The following METTL26 variants were observed in gnomAD, a reference collection of about 807,000 sequenced individuals.
METTL26 encodes methyltransferase-like 26.
A neutral mutation model predicts 24.7 loss-of-function variants in METTL26; 28 were observed. That is an observed-to-expected ratio of 1.13 (90% confidence interval 0.84 to 1.55). The LOEUF (loss-of-function observed/expected upper bound fraction) is 1.55, where lower values mean the gene tolerates loss of function less well. METTL26 is among the 40% of genes most tolerant of loss of function. The pLI is 0.00. For synonymous variants in METTL26, 165 were observed against 125.2 expected (o/e 1.32, Z -2.12); for missense variants, 344 against 281.2 (o/e 1.22, Z -1.60).
Position 636,225 on chromosome 16 carries a change from CAG to C in METTL26, c.64_65del (p.Leu22GlyfsTer135). ...CGCGGACGCCACGCTGGGCCGGATC[CAG>C]GTACTGCCGCAGCACGTGCAAGATG... The part of the protein sequence containing the change: ...DPILHVLRQY[L>X]DPAQRGVRVL... On this transcript the variant is annotated frameshift_variant, in exon 1 of 6. Coordinates refer to ENST00000301686, the MANE Select transcript of METTL26 (RefSeq NM_032366.5). LOFTEE classifies it high-confidence loss of function. The C allele has an allele frequency of 6.7e-7, 1 of 1,492,014 alleles. No individual in the cohort carries two copies. Among genetic ancestry groups the C allele is most frequent in the South Asian group, 1.3e-5 (1 of 78,632 alleles). The allele number at this position is 1,492,014 out of a possible 1,614,324, so 92.4% of individuals were successfully genotyped here.
In METTL26 at chr16:635,663, G is replaced by C. The variant is rs374989084; in HGVS notation, c.309C>G (p.Asp103Glu). 5 of 1,553,012 alleles carry C rather than the reference G, an allele frequency of 3.2e-6. No homozygotes were observed. Among genetic ancestry groups the C allele is most frequent in the Non-Finnish European group, 4.4e-6 (5 of 1,148,614 alleles). Reference protein sequence around the residue: ...HWGGILPQSLDLLLCINMAHV... With the variant: ...HWGGILPQSLELLLCINMAHV... ...GGGCCATGTTGATGCAGAGCAACAGGTCCAGCGACTGTGGCAGGATCCCGC... is the reference window on the plus strand; with the variant it reads ...GGGCCATGTTGATGCAGAGCAACAGCTCCAGCGACTGTGGCAGGATCCCGC... The change falls in exon 2 of 6, where the codon GAC (aspartate) becomes GAG (glutamate). Residue 103 changes from aspartate (D) to glutamate (E), a missense_variant. Transcript: ENST00000301686.
rs1462290315 is a variant in METTL26 at position 634,963 on chromosome 16, G to A, written c.421-7C>T. 14 of 1,596,774 alleles carry A rather than the reference G, an allele frequency of 8.8e-6. No homozygotes were observed. The highest frequency in any genetic ancestry group is 9.4e-6 in the Non-Finnish European group (11 of 1,172,698). ...TCCCATTGATGGCATAGGGCTGTGG[G>A]CATGGGGACACAGCCCACTGGACCA... On this transcript the variant is annotated splice_region_variant and splice_polypyrimidine_tract_variant and intron_variant, in intron 3 of 5. Transcript: ENST00000301686.
rs1174694175 is a variant in METTL26, at chr16:635,652, C to G, written c.320G>C (p.Cys107Ser). The part of the protein sequence containing the change: ...ILPQSLDLLL[C>S]INMAHVSPLR... ...GGGGCTGACATGGGCCATGTTGATGCAGAGCAACAGGTCCAGCGACTGTGG... is the reference window on the plus strand; with the variant it reads ...GGGGCTGACATGGGCCATGTTGATGGAGAGCAACAGGTCCAGCGACTGTGG... Residue 107 changes from cysteine to serine, a missense_variant, in exon 2 of 6, where the codon TGC (cysteine) becomes TCC (serine). Transcript: ENST00000301686. 6.4e-7 allele frequency: 1 copy of G among 1,551,524 alleles called. No homozygotes were observed. The highest frequency in any genetic ancestry group is 8.7e-7 in the Non-Finnish European group (1 of 1,147,796).
Position 634,897 on chromosome 16 carries a change from G to C in METTL26, c.480C>G (p.Leu160=), listed in dbSNP as rs764879367. 2 of 1,602,814 alleles carry C rather than the reference G, an allele frequency of 1.2e-6. No individual in the cohort carries two copies. Among genetic ancestry groups the C allele is most frequent in the Admixed American group, 3.4e-5 (2 of 58,392 alleles). ...CCGCCTCTAGCTCTGACCTGCATCT[G>C]AGCATCAGGTCAAAGTCCACGTTGC... ...PQSNVDFDLM[L]RCRNPEWGLR... Residue 160 remains leucine, a synonymous_variant, in exon 4 of 6, where the codon CTC becomes CTG. Transcript: ENST00000301686.
intron 1 of METTL26, 157 bp downstream of exon 1, chr16:635,937 G>T (rs1186270548): frequency 1.5e-5 from 20 of 1,334,722 alleles, no homozygotes; most frequent in Non-Finnish European, 1.8e-5. Context: ...CAGCCGCGGG[G>T]GCCGCACAGC....
chr16:635,387 A>C, intron 2 of METTL26, 47 bp from the exon 3 acceptor site: 3 of 1,491,052 alleles, frequency 2.0e-6, no homozygotes, highest in Non-Finnish European at 2.7e-6. Flanking sequence ...CCCCAACAGA[A>C]GCCAGGCCCT....
intron 3 of METTL26, 31 bp from the exon 4 acceptor site, chr16:634,987 C>A: frequency 6.4e-7 from 1 of 1,572,036 alleles, no homozygotes; most frequent in Non-Finnish European, 8.6e-7. Flanking sequence ...CCCACTGGAC[C>A]AAGGTCGGGG....
chr16:635,713 C>A lies in METTL26; in HGVS notation c.259G>T (p.Val87Leu), dbSNP rs775351111. 4 of 1,570,750 alleles carry A rather than the reference C, an allele frequency of 2.5e-6. No homozygotes were observed. The highest frequency in any genetic ancestry group is 1.2e-5 in the South Asian group (1 of 85,508). The change falls in exon 2 of 6, where the codon GTG (valine) becomes TTG (leucine). Residue 87 changes from valine to leucine, a missense_variant. Val to Leu is a conservative substitution (Grantham distance 32). Coordinates refer to ENST00000301686, the MANE Select transcript of METTL26 (RefSeq NM_032366.5). ...TNVKAPLHLD[V>L]TWGWEHWGGI... Reference sequence around the variant, plus strand: ...CCCCAGTGCTCCCAGCCCCACGTCACGTCCAGGTGTAGCGGGGCCTTCACG... The same window carrying A: ...CCCCAGTGCTCCCAGCCCCACGTCAAGTCCAGGTGTAGCGGGGCCTTCACG...
In METTL26 at chr16:634,432, G is replaced by A. The variant is rs558666116; in HGVS notation, c.*165C>T. 1.8e-5 allele frequency: 25 copies of A among 1,373,562 alleles called. No homozygotes were observed. The highest frequency in any genetic ancestry group is 3.6e-5 in the South Asian group (3 of 83,668). The allele number at this position is 1,373,562 out of a possible 1,614,324, so 85.1% of individuals were successfully genotyped here. Reference sequence around the variant, plus strand: ...GAGGTGGGGCAGACACCAGCAAGCCGGCAGCAGGACATGCTTTATTCTGAG... The same window carrying A: ...GAGGTGGGGCAGACACCAGCAAGCCAGCAGCAGGACATGCTTTATTCTGAG... On this transcript the variant is annotated 3_prime_UTR_variant, in exon 6 of 6. Transcript: ENST00000301686.
rs773828139 is a variant in METTL26 at position 635,728 on chromosome 16, GGGCCTTCACGT to G, written c.233_243del (p.Asn78ThrfsTer76). 6.3e-7 allele frequency: 1 copy of G among 1,576,172 alleles called. No homozygotes were observed. Among genetic ancestry groups the G allele is most frequent in the East Asian group, 2.3e-5 (1 of 43,286 alleles). On this transcript the variant is annotated frameshift_variant, in exon 2 of 6. Coordinates refer to ENST00000301686, the MANE Select transcript of METTL26 (RefSeq NM_032366.5). LOFTEE classifies it high-confidence loss of function. ...CCCCACGTCACGTCCAGGTGTAGCGGGGCCTTCACGTTGGTCAGGCCCTGGGCTTGCGTGGT... is the reference window on the plus strand; with the variant it reads ...CCCCACGTCACGTCCAGGTGTAGCGGTGGTCAGGCCCTGGGCTTGCGTGGT...
At chr16:635,903 G>A (rs2037144672) in intron 1 of METTL26, 129 bp from the exon 2 acceptor site, 10 of 1,363,954 alleles carry the variant, frequency 7.3e-6, no homozygotes, top group Non-Finnish European at 9.7e-6. Context: ...TGGGAAGGGG[G>A]ACCCCGAGGT....
chr16:636,151 C>G lies in METTL26; in HGVS notation c.140G>C (p.Arg47Pro). ...GSGQHAAHFA[R>P]AFPLAEWQPS... ...CTGCCACTCGGCCAGGGGGAAGGCC[C>G]GCGCGAAGTGCGCTGCGTGCTGGCC... Residue 47 changes from arginine to proline, a missense_variant, in exon 1 of 6, where the codon CGG (arginine) becomes CCG (proline). Arg to Pro is a moderately radical substitution (Grantham distance 103). Coordinates refer to ENST00000301686, the MANE Select transcript of METTL26 (RefSeq NM_032366.5). 3.4e-6 allele frequency: 5 copies of G among 1,462,392 alleles called. No individual in the cohort carries two copies. The highest frequency in any genetic ancestry group is 3.6e-6 in the Non-Finnish European group (4 of 1,113,834). 90.6% of individuals were successfully genotyped at this position (1,462,392 alleles called of 1,614,324 possible).
rs1271369346 is a variant in METTL26 at position 634,723 on chromosome 16, C to G, written c.563G>C (p.Arg188Thr). 1 of 1,612,882 alleles carries G rather than the reference C, an allele frequency of 6.2e-7. No individual in the cohort carries two copies. The highest frequency in any genetic ancestry group is 1.7e-5 in the Admixed American group (1 of 60,024). The change falls in exon 5 of 6, where the codon AGG (arginine) becomes ACG (threonine). Residue 188 changes from arginine to threonine, a missense_variant. By Grantham distance (71) the Arg-to-Thr change is moderately conservative (BLOSUM62 -1). Transcript: ENST00000301686. ...GGCCCCCGCTCCCCCACCTACCATC[C>G]TCTCCAGGAGCAGGCCACTGGCCTT... is the stretch of plus-strand genomic sequence containing the variant. The part of the protein sequence containing the change: ...LGKASGLLLE[R>T]MVDMPANNKC...
At chr16:634,826 GC>G (rs1422602472) in intron 4 of METTL26, 29 bp from the exon 5 acceptor site, 5 of 1,594,362 alleles carry the variant, frequency 3.1e-6, no homozygotes, top group Non-Finnish European at 4.3e-6. Flanking sequence ...TGGAGTCATG[GC>G]CTGGGGGGTG....
At chr16:635,121 TG>T in intron 3 of METTL26, 159 bp downstream of exon 3, 1 of 1,489,112 alleles carries the variant, frequency 6.7e-7, no homozygotes, top group Non-Finnish European at 8.9e-7. Flanking sequence ...GTAGGGAGGC[TG>T]GCAGATGACC....
At chr16:635,906 C>G (rs2037144946) in intron 1 of METTL26, 132 bp from the exon 2 acceptor site, 4 of 1,361,364 alleles carry the variant, frequency 2.9e-6, no homozygotes, top group Non-Finnish European at 3.9e-6. Context: ...GAAGGGGGAC[C>G]CCGAGGTCCA....
chr16:635,960 CG>C, intron 1 of METTL26, 133 bp downstream of exon 1: 3 of 1,358,036 alleles, frequency 2.2e-6, no homozygotes, highest in Non-Finnish European at 2.9e-6. Flanking sequence ...GGGCCTGCCC[CG>C]GGGGCACCCC....
At chr16:635,019 C>G in intron 3 of METTL26, 63 bp from the exon 4 acceptor site, 1 of 1,544,428 alleles carries the variant, frequency 6.5e-7, no homozygotes, top group Non-Finnish European at 8.7e-7. Flanking sequence ...GAGCCTGGGA[C>G]AGACTTGCAG....
Position 634,715 on chromosome 16 carries a change from CT to C in METTL26, c.567+3del. 6.2e-7 allele frequency: 1 copy of C among 1,612,914 alleles called. No homozygotes were observed. Among genetic ancestry groups the C allele is most frequent in the East Asian group, 2.2e-5 (1 of 44,888 alleles). ...GTTGCCTGGGCCCCCGCTCCCCCACCTACCATCCTCTCCAGGAGCAGGCCAC... is the reference window on the plus strand; with the variant it reads ...GTTGCCTGGGCCCCCGCTCCCCCACCACCATCCTCTCCAGGAGCAGGCCAC... On this transcript the variant is annotated splice_donor_region_variant and intron_variant, in intron 5 of 5. Transcript: ENST00000301686.
Sources: gnomAD v4.1 joint callset for allele counts on GRCh38, gnomAD v4.1.1 for gene constraint, MANE v1.5 for transcripts, NCBI Gene and HGNC (gene_info 2026-07-23, HGNC 2026-07-21) for gene names.